Variants in BACH2 observed in about 807,000 individuals in gnomAD.
The protein encoded by BACH2 is BACH transcriptional regulator 2.
A neutral mutation model predicts 61.8 loss-of-function variants in BACH2; 5 were observed. The ratio of observed to expected loss-of-function variants is 0.08; its 90% CI spans 0.04 to 0.17. The LOEUF is 0.17. Among genes scored for constraint, BACH2 ranks in the 10% least tolerant of loss-of-function variants. BACH2 has a pLI of 1.00. For missense variants in BACH2, 824 were observed against 1,091.1 expected (o/e 0.76, Z 3.45); for synonymous variants, 446 against 440.1 (o/e 1.01, Z -0.17).
At chr6:90,140,151 G>T (rs1431676907) in intron 4 of BACH2, among the ~76,000 whole-genome samples, 1 of 152,162 alleles carries the variant, frequency 6.6e-6, no homozygotes, top group Non-Finnish European at 1.5e-5. Flanking sequence ...GAAGGGTGCA[G>T]TCCATCCCTT....
intron 3 of BACH2, among the ~76,000 whole-genome samples, chr6:90,230,636 AG>A (rs1009732058): frequency 3.9e-5 from 6 of 152,184 alleles, no homozygotes; most frequent in South Asian, 2.1e-4. Flanking sequence ...TTAATTATTA[AG>A]AGGTCCCACT....
intron 8 of BACH2, 62 bp from the exon 9 acceptor site, chr6:89,932,952 C>G: frequency 2.0e-6 from 3 of 1,495,186 alleles, no homozygotes; most frequent in Non-Finnish European, 2.7e-6. Flanking sequence ...CAGAAGGCCT[C>G]GTTTCAGGTT....
chr6:90,263,914 G>C (rs922991109), intron 2 of BACH2, among the ~76,000 whole-genome samples: 7 of 152,092 alleles, frequency 4.6e-5, no homozygotes, highest in Non-Finnish European at 1.0e-4. Flanking sequence ...TGGTCACTCA[G>C]GTTTTAGATT....
chr6:90,053,806 CT>C lies in BACH2; in HGVS notation c.-13+35154del, dbSNP rs1465485727. On this transcript the variant is annotated intron_variant, in intron 5 of 8. Transcript: ENST00000257749. ...TCTGCTGTCAGTCTAAGTATTGTTC[CT>C]CTGTGGATGTGGTCTGTTTTCCCTA... Among the ~76,000 whole-genome samples, 3 of 152,142 alleles carry C rather than the reference CT, an allele frequency of 2.0e-5. No homozygotes were observed. In the East Asian group the frequency reaches 5.8e-4, roughly 29 times the overall value.
At chr6:90,194,599 G>C (rs1194246734) in intron 4 of BACH2, among the ~76,000 whole-genome samples, 1 of 152,220 alleles carries the variant, frequency 6.6e-6, no homozygotes, top group African/African-American at 2.4e-5. Flanking sequence ...AATGGAGAAA[G>C]TGCCTGAGAG....
At chr6:90,187,194 C>G (rs185686074) in intron 4 of BACH2, among the ~76,000 whole-genome samples, 64 of 152,306 alleles carry the variant, frequency 4.2e-4, no homozygotes, top group South Asian at 2.1e-3. Context: ...CCTGACAGAT[C>G]TGGAGGAAAC....
intron 3 of BACH2, among the ~76,000 whole-genome samples, chr6:90,225,389 T>TA (rs932269797): frequency 2.6e-5 from 4 of 152,088 alleles, no homozygotes; most frequent in East Asian, 1.9e-4. Flanking sequence ...CCCTGTTTTT[T>TA]AAAAAAATAC....
chr6:89,992,858 A>G (rs991125146), intron 6 of BACH2, among the ~76,000 whole-genome samples: 12 of 152,232 alleles, frequency 7.9e-5, no homozygotes, highest in Non-Finnish European at 1.8e-4. Context: ...GTTGTTATAA[A>G]GTTTACTCTT....
intron 6 of BACH2, among the ~76,000 whole-genome samples, chr6:89,984,595 A>G (rs1033548739): frequency 2.0e-5 from 3 of 152,276 alleles, no homozygotes; most frequent in African/African-American, 7.2e-5. Context: ...CTATTCCTAT[A>G]TTCTATACAC....
At chr6:90,295,693 G>T (rs1270034698) in intron 1 of BACH2, among the ~76,000 whole-genome samples, 4 of 151,012 alleles carry the variant, frequency 2.6e-5, no homozygotes, top group Non-Finnish European at 5.9e-5. Context: ...GTTGCACCTT[G>T]ACTTCATGGA....
chr6:90,121,564 C>T (rs1019844845), intron 4 of BACH2, among the ~76,000 whole-genome samples: 16 of 152,136 alleles, frequency 1.1e-4, no homozygotes, highest in Admixed American at 2.6e-4. Flanking sequence ...TATTTTGAGA[C>T]GAGTCTTACT....
chr6:90,100,325 A>G (rs1029297456), intron 4 of BACH2, among the ~76,000 whole-genome samples: 1 of 152,180 alleles, frequency 6.6e-6, no homozygotes, highest in African/African-American at 2.4e-5. Flanking sequence ...AGGATGGTTA[A>G]TTTTATGTGT....
At chr6:90,108,311 G>A (rs1783014853) in intron 4 of BACH2, among the ~76,000 whole-genome samples, 1 of 152,186 alleles carries the variant, frequency 6.6e-6, no homozygotes. Context: ...AAGGTGGACA[G>A]CATGTGCTTG....
intron 3 of BACH2, among the ~76,000 whole-genome samples, chr6:90,224,305 G>A (rs994996501): frequency 5.9e-5 from 9 of 152,128 alleles, no homozygotes; most frequent in Non-Finnish European, 1.2e-4. Flanking sequence ...TGATGTGTGT[G>A]GTGTTCACTT....
chr6:90,256,654 T>C (rs1770988752), intron 2 of BACH2, among the ~76,000 whole-genome samples: 1 of 152,236 alleles, frequency 6.6e-6, no homozygotes, highest in African/African-American at 2.4e-5. Flanking sequence ...CGTATATTTA[T>C]GGTATACAAC....
At chr6:90,251,987 A>G (rs1467843560) in intron 3 of BACH2, among the ~76,000 whole-genome samples, 2 of 152,166 alleles carry the variant, frequency 1.3e-5, no homozygotes, top group East Asian at 1.9e-4. Flanking sequence ...AGGAAGGAAG[A>G]AAGAAAACAA....
intron 4 of BACH2, among the ~76,000 whole-genome samples, chr6:90,124,285 T>C (rs900803401): frequency 6.6e-6 from 1 of 152,160 alleles, no homozygotes; most frequent in Non-Finnish European, 1.5e-5. Flanking sequence ...TTGATACAGA[T>C]GCATTATGAA....
chr6:90,020,558 G>A (rs9444728), intron 5 of BACH2, among the ~76,000 whole-genome samples: 47,371 of 142,344 alleles, frequency 0.33, 9,274 homozygotes, highest in African/African-American at 0.56. Context: ...CCTAGACCTC[G>A]AACTTGCCAG....
In BACH2 at chr6:90,286,271, A is replaced by C. The variant is rs116374274; in HGVS notation, c.-446+10209T>G. 8.1e-4 allele frequency among the ~76,000 whole-genome samples: 123 copies of C among 152,344 alleles called. 1 individual carries two copies. Among genetic ancestry groups the C allele is most frequent in the African/African-American group, 2.7e-3 (113 of 41,580 alleles). On this transcript the variant is annotated intron_variant, in intron 1 of 8. Transcript: ENST00000257749. ...AACCCACAATATCAACACGCTTAAC[A>C]TAAGTGGAAATTTAAAATGTACTGT...
Sources: allele counts gnomAD v4.1 joint callset (sites outside exome capture counted in the v4.1 genomes callset), GRCh38; gene constraint gnomAD v4.1.1; transcripts MANE v1.5; gene names NCBI Gene and HGNC (gene_info 2026-07-23, HGNC 2026-07-21).